Variants in LRRIQ1 observed in about 807,000 individuals in gnomAD.
The protein encoded by LRRIQ1 is leucine-rich repeat- and IQ domain-containing protein 1.
In LRRIQ1, 210 loss-of-function variants were observed where a neutral mutation model predicts 211.9. That is an observed-to-expected ratio of 0.99 (90% CI 0.89 to 1.11). The LOEUF (loss-of-function observed/expected upper bound fraction) is 1.11. LRRIQ1 is among the 50% of genes most tolerant of loss of function. The pLI is 0.00. For missense variants in LRRIQ1, 2,136 were observed against 1,939.5 expected, an observed-to-expected ratio of 1.10 and a Z score of -1.90; for synonymous variants, 699 against 650.1, an observed-to-expected ratio of 1.08 and a Z score of -1.14.
At chr12:85,141,442 G>T (rs926628335) in intron 19 of LRRIQ1, among the ~76,000 whole-genome samples, 5 of 150,912 alleles carry the variant, frequency 3.3e-5, no homozygotes, top group Admixed American at 2.0e-4. Context: ...TGTTTTTGGG[G>T]CATACACATT....
At chr12:85,130,677 T>C (rs539957313) in intron 18 of LRRIQ1, among the ~76,000 whole-genome samples, 3 of 152,194 alleles carry the variant, frequency 2.0e-5, no homozygotes, top group Non-Finnish European at 4.4e-5. Flanking sequence ...TCTAGCTTCT[T>C]AAATGACTCA....
chr12:85,250,682 G>T (rs1323156924), intron 1 of LRRIQ1, among the ~76,000 whole-genome samples: 1 of 147,272 alleles, frequency 6.8e-6, no homozygotes, highest in Non-Finnish European at 1.5e-5. Flanking sequence ...TGAGTCCTCA[G>T]TTAACTATAA....
chr12:85,195,488 G>A (rs558325270), intron 24 of LRRIQ1, among the ~76,000 whole-genome samples: 5 of 151,972 alleles, frequency 3.3e-5, no homozygotes, highest in Non-Finnish European at 7.4e-5. Flanking sequence ...GATCAAGTGG[G>A]CTTCATCCCT....
chr12:85,211,703 T>C (rs1280172430), intron 24 of LRRIQ1, among the ~76,000 whole-genome samples: 1 of 152,176 alleles, frequency 6.6e-6, no homozygotes, highest in Non-Finnish European at 1.5e-5. Context: ...ATTTCACAAT[T>C]AATAAAATTG....
intron 24 of LRRIQ1, among the ~76,000 whole-genome samples, chr12:85,228,435 G>A (rs966059698): frequency 1.3e-5 from 2 of 152,152 alleles, no homozygotes; most frequent in Non-Finnish European, 2.9e-5. Flanking sequence ...CTAAGTTCAG[G>A]TTTCAAGGGC....
chr12:85,192,341 TC>T (rs2136945272), intron 24 of LRRIQ1, among the ~76,000 whole-genome samples: 1 of 145,158 alleles, frequency 6.9e-6, no homozygotes, highest in Non-Finnish European at 1.5e-5. Context: ...ATGATCTCAT[TC>T]TTTTTTTATG....
At chr12:85,192,113 T>C (rs1309034705) in intron 24 of LRRIQ1, among the ~76,000 whole-genome samples, 1 of 151,712 alleles carries the variant, frequency 6.6e-6, no homozygotes, top group Non-Finnish European at 1.5e-5. Flanking sequence ...GTAAGTATTA[T>C]AGTATCTGAT....
intron 2 of LRRIQ1, among the ~76,000 whole-genome samples, chr12:85,040,203 G>GAATGCCCTCA (rs1231159325): frequency 9.9e-5 from 15 of 151,454 alleles, no homozygotes; most frequent in Middle Eastern, 3.2e-3. Context: ...TACAACTATT[G>GAATGCCCTCA]AGGGCATTCA....
intron 13 of LRRIQ1, among the ~76,000 whole-genome samples, chr12:85,102,986 A>T (rs902256558): frequency 3.2e-3 from 434 of 133,760 alleles, no homozygotes; most frequent in African/African-American, 0.011. Flanking sequence ...ATATATATAT[A>T]TTTTACTAAG....
At chr12:85,134,175 AG>A (rs1288045595) in intron 18 of LRRIQ1, among the ~76,000 whole-genome samples, 1 of 152,130 alleles carries the variant, frequency 6.6e-6, no homozygotes, top group East Asian at 1.9e-4. Flanking sequence ...AGCCAGAACA[AG>A]GGTATAAGGA....
chr12:85,057,271 T>C, intron 8 of LRRIQ1, 87 bp downstream of exon 8: 9 of 1,020,132 alleles, frequency 8.8e-6, no homozygotes, highest in South Asian at 7.3e-5. Flanking sequence ...AAAAGAAATA[T>C]TTTGTATACA....
At chr12:85,247,017 G>A (rs187547325), downstream of LRRIQ1, among the ~76,000 whole-genome samples, 37 of 151,386 alleles carry the variant, frequency 2.4e-4, no homozygotes, top group South Asian at 4.0e-3. Context: ...AACACAAACT[G>A]GTACAAAATC....
At chr12:85,051,448 TG>T (rs1370761480) in intron 6 of LRRIQ1, among the ~76,000 whole-genome samples, 1 of 152,202 alleles carries the variant, frequency 6.6e-6, no homozygotes, top group Non-Finnish European at 1.5e-5. Flanking sequence ...TAATGTAAAC[TG>T]ATGATTTTCA....
intron 24 of LRRIQ1, among the ~76,000 whole-genome samples, chr12:85,175,787 G>T (rs575945853): frequency 2.0e-5 from 3 of 152,074 alleles, no homozygotes; most frequent in Admixed American, 2.0e-4. Flanking sequence ...GCTTGTTTTT[G>T]TTAGGTTTGT....
chr12:85,230,444 T>C (rs1894876777), intron 25 of LRRIQ1, among the ~76,000 whole-genome samples: 1 of 152,144 alleles, frequency 6.6e-6, no homozygotes, highest in Admixed American at 6.5e-5. Context: ...TGTTCTAATC[T>C]TCTCTTCCTA....
At chr12:85,125,790 G>T (rs1235428270) in intron 17 of LRRIQ1, among the ~76,000 whole-genome samples, 1 of 151,976 alleles carries the variant, frequency 6.6e-6, no homozygotes, top group Non-Finnish European at 1.5e-5. Context: ...TTCAAACGTT[G>T]CCTATTGAAA....
At chr12:85,223,378 GA>G (rs577949409) in intron 24 of LRRIQ1, among the ~76,000 whole-genome samples, 1 of 151,768 alleles carries the variant, frequency 6.6e-6, no homozygotes, top group South Asian at 2.1e-4. Flanking sequence ...AAGACCTGCA[GA>G]AAAAAAAGAG....
the LRRIQ1 span, among the ~76,000 whole-genome samples, chr12:85,270,168 C>G: frequency 6.6e-6 from 1 of 152,172 alleles, no homozygotes; most frequent in East Asian, 1.9e-4. Flanking sequence ...ATAGCAGCAT[C>G]TTAGAGACCA....
intron 21 of LRRIQ1, 50 bp downstream of exon 21, chr12:85,153,195 T>C: frequency 6.8e-7 from 1 of 1,464,236 alleles, no homozygotes; most frequent in East Asian, 2.4e-5. Context: ...GACAACAGTA[T>C]TACATATCAT....
Sources: allele counts gnomAD v4.1 joint callset (sites outside exome capture counted in the v4.1 genomes callset), GRCh38; gene constraint gnomAD v4.1.1; transcripts MANE v1.5; gene names NCBI Gene and HGNC (gene_info 2026-07-23, HGNC 2026-07-21).